ENTPD5: variants seen among roughly 807,000 people sequenced by gnomAD.
ENTPD5 encodes the protein ectonucleoside triphosphate diphosphohydrolase 5 (inactive).
A neutral mutation model predicts 60.2 loss-of-function variants in ENTPD5; 49 were observed. That is an observed-to-expected ratio of 0.81 (90% confidence interval 0.65 to 1.03). ENTPD5 has a LOEUF of 1.03. ENTPD5 is among the 50% of genes least tolerant of loss of function. The probability of loss-of-function intolerance (pLI) is 0.00; values close to 1 mark genes in which losing one functional copy is unlikely to be tolerated. For missense variants in ENTPD5, 480 were observed against 507.6 expected, an observed-to-expected ratio of 0.95 and a Z score of 0.52; for synonymous variants, 187 against 185.4, an observed-to-expected ratio of 1.01 and a Z score of -0.07.
chr14:73,971,086 A>AT (rs2057202601), intron 14 of ENTPD5, among the ~76,000 whole-genome samples: 1 of 151,956 alleles, frequency 6.6e-6, no homozygotes, highest in Non-Finnish European at 1.5e-5. Context: ...CACTATTTCA[A>AT]TTTAAAAAAG....
In ENTPD5 at chr14:73,988,084, T is replaced by G; in HGVS notation, c.19A>C (p.Thr7Pro). ...GATACCACCAGCATGAAAAAGACTG[T>G]GCCCCAAGAAGTGGCCATTCTTTTC... MATSWG[T>P]VFFMLVVSCV... Residue 7 changes from threonine to proline, a missense_variant, in exon 4 of 16, where the codon ACA becomes CCA. Transcript: ENST00000334696. 1 of 1,611,970 alleles carries G rather than the reference T, an allele frequency of 6.2e-7. No homozygotes were observed. Among genetic ancestry groups the G allele is most frequent in the Non-Finnish European group, 8.5e-7 (1 of 1,179,492 alleles).
chr14:73,959,094 G>C (rs1594804202), downstream of ENTPD5: 1 of 1,614,172 alleles, frequency 6.2e-7, no homozygotes, highest in Admixed American at 1.7e-5. Context: ...ATCCTGAGCT[G>C]CCATCTGGGG....
rs573160416 is a variant in ENTPD5, at chr14:73,983,149, C to T, written c.310G>A (p.Val104Ile). 8 of 1,613,680 alleles carry T rather than the reference C, an allele frequency of 5.0e-6. No individual in the cohort carries two copies. Among genetic ancestry groups the T allele is most frequent in the East Asian group, 2.2e-5 (1 of 44,882 alleles). The change falls in exon 6 of 16, where the codon GTT becomes ATT. Residue 104 changes from valine to isoleucine, a missense_variant. By Grantham distance (29) the Val-to-Ile change is conservative (BLOSUM62 3). Coordinates refer to ENST00000334696, the MANE Select transcript of ENTPD5 (RefSeq NM_001249.5). ...VDQPKQGAETVQGLLEVAKDS... is the reference protein window; with the variant it reads ...VDQPKQGAETIQGLLEVAKDS... ...TTGGCCACCTCTAAGAGCCCTTGAA[C>T]GGTCTCAGCACCCTTCAAAAGAGAT...
At chr14:73,994,709 C>T (rs572086091) in intron 3 of ENTPD5, among the ~76,000 whole-genome samples, 5 of 146,258 alleles carry the variant, frequency 3.4e-5, no homozygotes, top group South Asian at 2.2e-4. Context: ...CCAGCCTGGG[C>T]GACAGAGCGA....
downstream of ENTPD5, chr14:73,957,868 C>T (rs1303729534): frequency 7.2e-6 from 3 of 415,110 alleles, no homozygotes; most frequent in Non-Finnish European, 9.0e-6. Flanking sequence ...CTCATTTAAG[C>T]GTAGAGTGAA....
chr14:73,987,381 C>A (rs2057946042), intron 4 of ENTPD5, among the ~76,000 whole-genome samples: 1 of 152,182 alleles, frequency 6.6e-6, no homozygotes, highest in Non-Finnish European at 1.5e-5. Flanking sequence ...TCTAATTTCA[C>A]ATTGAATTAA....
Position 73,975,949 on chromosome 14 carries a change from G to A in ENTPD5, c.709C>T (p.Leu237Phe), listed in dbSNP as rs556781804. 6.8e-6 allele frequency: 11 copies of A among 1,611,854 alleles called. No homozygotes were observed. Among genetic ancestry groups the A allele is most frequent in the Non-Finnish European group, 9.3e-6 (11 of 1,178,278 alleles). Residue 237 changes from leucine (L) to phenylalanine (F), a missense_variant, in exon 10 of 16, where the codon CTC becomes TTC. Physicochemically the swap from Leu to Phe is conservative, Grantham distance 22 (BLOSUM62 0). Coordinates refer to ENST00000334696, the MANE Select transcript of ENTPD5 (RefSeq NM_001249.5). ...CCCCGTCCTCACCTATGTGTATAGA[G>A]CTTATAAGTGCTGTTAAACATCTCA... ...SFEMFNSTYK[L>F]YTHSYLGFGL...
At chr14:73,956,586 G>A (rs901791626), downstream of ENTPD5, 1 of 152,408 alleles carries the variant, frequency 6.6e-6, no homozygotes, top group African/African-American at 2.4e-5. Context: ...CATTGTAGTA[G>A]TGGTTGCATT....
intron 6 of ENTPD5, among the ~76,000 whole-genome samples, chr14:73,982,649 C>A (rs541262590): frequency 6.6e-6 from 1 of 151,514 alleles, no homozygotes; most frequent in Non-Finnish European, 1.5e-5. Context: ...CCAGCTACTC[C>A]GGAGGCTGAG....
chr14:73,979,746 C>T (rs888314721), intron 6 of ENTPD5, among the ~76,000 whole-genome samples: 2 of 152,110 alleles, frequency 1.3e-5, no homozygotes, highest in African/African-American at 2.4e-5. Context: ...GCTGGGATTA[C>T]AGGCGTAAGC....
chr14:73,955,687 C>T (rs985126379), downstream of ENTPD5: 60 of 1,508,348 alleles, frequency 4.0e-5, no homozygotes, highest in Non-Finnish European at 4.7e-5. Flanking sequence ...TATTTTCCTA[C>T]CAGAGAGGCT....
downstream of ENTPD5, chr14:73,962,969 G>A: frequency 6.2e-7 from 1 of 1,607,144 alleles, no homozygotes. Flanking sequence ...TTTTTCTCCA[G>A]GAACAGATTA....
At chr14:74,013,195 A>C (rs2058898869) in intron 2 of ENTPD5, among the ~76,000 whole-genome samples, 1 of 152,198 alleles carries the variant, frequency 6.6e-6, no homozygotes, top group Non-Finnish European at 1.5e-5. Flanking sequence ...CGGTCTGTGG[A>C]CCACACTTTA....
chr14:73,987,797 ACAT>A, intron 4 of ENTPD5, 86 bp downstream of exon 4: 1 of 1,232,052 alleles, frequency 8.1e-7, no homozygotes, highest in Non-Finnish European at 1.2e-6. Flanking sequence ...TCTGTAATTC[ACAT>A]AATAAACTCT....
Position 73,965,262 on chromosome 14 carries a change from T to G in ENTPD5, c.*1666A>C, listed in dbSNP as rs1051877458. 6.6e-6 allele frequency: 1 copy of G among 151,818 alleles called. No individual in the cohort carries two copies. The highest frequency in any genetic ancestry group is 2.4e-5 in the African/African-American group (1 of 41,152). The allele number at this position is 151,818 out of a possible 1,614,324, so 9.4% of individuals were successfully genotyped here. On this transcript the variant is annotated 3_prime_UTR_variant, in exon 16 of 16. Coordinates refer to ENST00000334696, the MANE Select transcript of ENTPD5 (RefSeq NM_001249.5). ...GGCCAGGCATACTTAACATCCTTTGTGAGAGAGAGGATGGAAACGGAGTCT... is the reference window on the plus strand; with the variant it reads ...GGCCAGGCATACTTAACATCCTTTGGGAGAGAGAGGATGGAAACGGAGTCT...
chr14:73,973,881 T>C lies in ENTPD5; in HGVS notation c.882A>G (p.Gln294=), dbSNP rs1418870792. ...GGVKYQYGGN[Q]EGEVGFEPCY... is the part of the protein sequence containing the mutation. ...CAGTGAAAAAACATCACTTGCCTTC[T>C]TGGTTGCCACCATACTGGTATTTCA... Residue 294 remains glutamine (Q), a synonymous_variant, in exon 12 of 16, where the codon CAA becomes CAG. Transcript: ENST00000334696. The C allele has an allele frequency of 5.0e-6, 8 of 1,613,762 alleles. No individual in the cohort carries two copies. In the African/African-American group the frequency reaches 1.1e-4, roughly 22 times the overall value.
At chr14:74,016,380 T>C (rs549923593) in intron 1 of ENTPD5, among the ~76,000 whole-genome samples, 4 of 152,232 alleles carry the variant, frequency 2.6e-5, no homozygotes, top group Non-Finnish European at 4.4e-5. Context: ...CTCATGCCTG[T>C]AATCCCAGCA....
intron 2 of ENTPD5, among the ~76,000 whole-genome samples, chr14:74,014,148 T>C (rs1365015325): frequency 2.0e-5 from 3 of 152,156 alleles, no homozygotes; most frequent in Admixed American, 6.6e-5. Context: ...TAGTTAATGA[T>C]TATTTGTAGG....
chr14:74,003,420 C>G (rs981665412), intron 3 of ENTPD5: 1 of 1,011,330 alleles, frequency 9.9e-7, no homozygotes, highest in Non-Finnish European at 1.5e-6. Context: ...GAGGAAAAAG[C>G]GAATGTGCAG....
Sources: gnomAD v4.1 joint callset for allele counts (sites outside exome capture counted in the v4.1 genomes callset) on GRCh38, gnomAD v4.1.1 for gene constraint, MANE v1.5 for transcripts, NCBI Gene and HGNC (gene_info 2026-07-23, HGNC 2026-07-21) for gene names.